RAB27B: variants seen among roughly 807,000 people sequenced by gnomAD.
RAB27B encodes RAB27B, member RAS oncogene family.
Under a neutral mutation model 24.6 loss-of-function variants are expected in RAB27B, and 15 were observed. That is an observed-to-expected ratio of 0.61 (90% CI 0.41 to 0.94). The LOEUF is 0.94. Ranked by LOEUF, RAB27B falls within the 40% of genes least tolerant of loss-of-function variation. RAB27B has a pLI of 0.00. For missense variants in RAB27B, 261 were observed against 266.8 expected (o/e 0.98, Z 0.15); for synonymous variants, 105 against 92.5 (o/e 1.14, Z -0.78).
At position 54,721,902 on chromosome 18, in the gene RAB27B, C is replaced by T. The variant is rs540406379; in HGVS notation, c.-20+3761C>T. On this transcript the variant is annotated intron_variant, in intron 2 of 4. Transcript: ENST00000586570. ...AAAGTTAGCCAGATAATGAGAGGCA[C>T]GGTGCTACAACAGCAAGTGTGTGGA... 9.9e-5 allele frequency among the ~76,000 whole-genome samples: 15 copies of T among 152,224 alleles called. No homozygotes were observed. In the East Asian group the frequency reaches 2.5e-3, roughly 25 times the overall value.
Position 54,870,433 on chromosome 18 carries a change from T to A in RAB27B, c.-19-7134T>A, listed in dbSNP as rs190316825. ...GCTTAATGGGAAAACACTAAAAAAA[T>A]TTTCAATTAAAATCAGAAACAAAGA... On this transcript the variant is annotated intron_variant, in intron 1 of 5. Coordinates refer to ENST00000262094, the MANE Select transcript of RAB27B (RefSeq NM_004163.4). 6.6e-5 allele frequency among the ~76,000 whole-genome samples: 10 copies of A among 152,164 alleles called. No homozygotes were observed. The East Asian group carries it at 1.2e-3, about 18-fold the overall frequency.
At chr18:54,885,152 C>T (rs768720028) in intron 4 of RAB27B, among the ~76,000 whole-genome samples, 1 of 152,126 alleles carries the variant, frequency 6.6e-6, no homozygotes, top group Admixed American at 6.6e-5. Flanking sequence ...TAATAAAGGG[C>T]ATATTTCATT....
chr18:54,800,070 C>T (rs940148458), intron 2 of RAB27B, among the ~76,000 whole-genome samples: 4 of 152,264 alleles, frequency 2.6e-5, no homozygotes, highest in Non-Finnish European at 5.9e-5. Context: ...CTAACTGTCC[C>T]TCAGCTCTTC....
At chr18:54,792,104 C>T (rs1180695972) in intron 2 of RAB27B, among the ~76,000 whole-genome samples, 1 of 152,174 alleles carries the variant, frequency 6.6e-6, no homozygotes, top group Non-Finnish European at 1.5e-5. Context: ...TCTAATTGAG[C>T]TGGTTAACAC....
intron 2 of RAB27B, among the ~76,000 whole-genome samples, chr18:54,750,152 A>G (rs8091548): frequency 1 from 151,848 of 152,284 alleles, 75,711 homozygotes; most frequent in Middle Eastern, 1. Flanking sequence ...ATTCATATTT[A>G]TAAAGGGAAC....
chr18:54,836,636 T>C (rs566754296), intron 1 of RAB27B, among the ~76,000 whole-genome samples: 3 of 152,104 alleles, frequency 2.0e-5, no homozygotes, highest in East Asian at 3.9e-4. Flanking sequence ...TCTGTTTGCA[T>C]TGCAATATTT....
chr18:54,781,506 CT>C (rs1375105280), intron 2 of RAB27B, among the ~76,000 whole-genome samples: 1 of 152,100 alleles, frequency 6.6e-6, no homozygotes, highest in Non-Finnish European at 1.5e-5. Context: ...CTAGTCCTGC[CT>C]GTCTATTTGA....
intron 2 of RAB27B, among the ~76,000 whole-genome samples, chr18:54,738,458 G>A (rs191211886): frequency 1.3e-4 from 20 of 152,054 alleles, no homozygotes; most frequent in Non-Finnish European, 1.9e-4. Context: ...TTTAAGTGGC[G>A]GTTTCCTCTC....
At chr18:54,839,208 A>G (rs1911012911) in intron 1 of RAB27B, among the ~76,000 whole-genome samples, 1 of 152,160 alleles carries the variant, frequency 6.6e-6, no homozygotes, top group Non-Finnish European at 1.5e-5. Flanking sequence ...ATTATCAGCA[A>G]AAGCATACAT....
intron 1 of RAB27B, among the ~76,000 whole-genome samples, chr18:54,870,595 A>G (rs1263572195): frequency 6.6e-6 from 1 of 152,194 alleles, no homozygotes; most frequent in African/African-American, 2.4e-5. Flanking sequence ...ATGATTGTAC[A>G]TCTAGAAAAT....
At chr18:54,807,439 T>G (rs148608482) in intron 2 of RAB27B, among the ~76,000 whole-genome samples, 1 of 152,294 alleles carries the variant, frequency 6.6e-6, no homozygotes, top group East Asian at 1.9e-4. Flanking sequence ...AGTCCTTACC[T>G]TCTTGTTTTA....
intron 1 of RAB27B, among the ~76,000 whole-genome samples, chr18:54,857,453 C>T (rs925325216): frequency 7.9e-5 from 12 of 152,314 alleles, no homozygotes; most frequent in African/African-American, 2.9e-4. Flanking sequence ...TCTCACTCTC[C>T]TACTTTGAAT....
rs181593292 is a variant in RAB27B at position 54,754,038 on chromosome 18, T to C, written c.-20+35897T>C. Among the ~76,000 whole-genome samples the C allele has an allele frequency of 4.5e-4, 68 of 152,296 alleles. 1 individual carries two copies. The East Asian group carries it at 0.013, about 28-fold the overall frequency. ...TGTGTACCCTTGTTTAAAAAATGCT[T>C]TATAAATTGCATTAATGATATGGTT... On this transcript the variant is annotated intron_variant, in intron 2 of 4. Transcript: ENST00000586570.
chr18:54,879,633 T>A, intron 3 of RAB27B, 179 bp downstream of exon 3: 1 of 537,768 alleles, frequency 1.9e-6, no homozygotes, highest in Non-Finnish European at 3.3e-6. Context: ...ACAGTAGCAC[T>A]GTGCAGTTGG....
At chr18:54,883,646 G>A (rs545327718) in intron 3 of RAB27B, among the ~76,000 whole-genome samples, 64 of 152,168 alleles carry the variant, frequency 4.2e-4, no homozygotes, top group African/African-American at 1.4e-3. Flanking sequence ...CATTGCACAC[G>A]AAAGAGCAAA....
rs869256244 is a variant in RAB27B at position 54,799,614 on chromosome 18, A to ATT, written c.-19-77920_-19-77919dup. Among the ~76,000 whole-genome samples the ATT allele has an allele frequency of 5.5e-4, 37 of 67,580 alleles. 3 individuals are homozygous for ATT. Among genetic ancestry groups the ATT allele is most frequent in the African/African-American group, 2.1e-3 (35 of 16,616 alleles). 44.3% of individuals were successfully genotyped at this position (67,580 alleles called of 152,430 possible). ...AAATATCAGAATATATAATAAAATG[A>ATT]TTTTTTTTTTTTTTTTTTTTTTTTT... is the stretch of plus-strand genomic sequence containing the variant. On this transcript the variant is annotated intron_variant, in intron 2 of 4. Coordinates refer to the RAB27B transcript ENST00000586570.
chr18:54,830,946 T>A (rs138937707), intron 1 of RAB27B, among the ~76,000 whole-genome samples: 1 of 152,352 alleles, frequency 6.6e-6, no homozygotes, highest in African/African-American at 2.4e-5. Flanking sequence ...AAGTTGCTTG[T>A]TCATTTGTTC....
At chr18:54,888,493 G>A (rs1037333793) in intron 5 of RAB27B, among the ~76,000 whole-genome samples, 7 of 152,044 alleles carry the variant, frequency 4.6e-5, no homozygotes, top group Non-Finnish European at 8.8e-5. Context: ...TGATATCAAA[G>A]CTCATGCTCT....
At chr18:54,833,000 AT>A (rs1386467176) in intron 1 of RAB27B, among the ~76,000 whole-genome samples, 1 of 152,182 alleles carries the variant, frequency 6.6e-6, no homozygotes, top group African/African-American at 2.4e-5. Flanking sequence ...AATAAATTCA[AT>A]TTTTTAAAAT....
Sources: allele counts gnomAD v4.1 joint callset (sites outside exome capture counted in the v4.1 genomes callset), GRCh38; gene constraint gnomAD v4.1.1; transcripts MANE v1.5; gene names NCBI Gene and HGNC (gene_info 2026-07-23, HGNC 2026-07-21).